Variants in PDGFC observed in about 807,000 individuals in gnomAD.
PDGFC encodes platelet-derived growth factor C.
PDGFC carries 12 observed loss-of-function variants against 35.5 expected under a neutral mutation model. That is an observed-to-expected ratio of 0.34 (90% CI 0.22 to 0.55). The LOEUF is 0.55. PDGFC is among the 20% of genes least tolerant of loss of function. The probability of loss-of-function intolerance (pLI) is 0.91; values close to 1 mark genes in which losing one functional copy is unlikely to be tolerated. For missense variants in PDGFC, 322 were observed against 412.4 expected, an observed-to-expected ratio of 0.78 and a Z score of 1.90; for synonymous variants, 159 against 148.8, an observed-to-expected ratio of 1.07 and a Z score of -0.50.
At chr4:156,934,159 C>T (rs146802240) in intron 1 of PDGFC, among the ~76,000 whole-genome samples, 15 of 152,198 alleles carry the variant, frequency 9.9e-5, no homozygotes, top group East Asian at 9.6e-4. Flanking sequence ...TGTCTTTAGG[C>T]GATTTTGTCA....
chr4:156,834,412 T>G (rs2111033052), intron 2 of PDGFC, among the ~76,000 whole-genome samples: 1 of 152,236 alleles, frequency 6.6e-6, no homozygotes, highest in East Asian at 1.9e-4. Context: ...GCAAAAACAG[T>G]GCCTACCACA....
intron 1 of PDGFC, among the ~76,000 whole-genome samples, chr4:156,907,209 T>C (rs897746256): frequency 6.6e-6 from 1 of 152,202 alleles, no homozygotes; most frequent in Non-Finnish European, 1.5e-5. Context: ...CCTTGTTAAG[T>C]GACACCTGTC....
intron 2 of PDGFC, among the ~76,000 whole-genome samples, chr4:156,833,585 C>G (rs1728995122): frequency 6.6e-6 from 1 of 152,114 alleles, no homozygotes; most frequent in Admixed American, 6.5e-5. Flanking sequence ...CACTCTTTAA[C>G]AAGGTGTTAT....
In PDGFC at chr4:156,837,942, C is replaced by T. The variant is rs574423370; in HGVS notation, c.314+12279G>A. Among the ~76,000 whole-genome samples the T allele has an allele frequency of 3.3e-5, 5 of 152,036 alleles. No individual in the cohort carries two copies. The South Asian group carries it at 6.2e-4, about 19-fold the overall frequency. ...CCTTGATCTCAGACTTGGTCAGATCCCCACCCTCTATTTTAAGCCCTCTTG... is the reference window on the plus strand; with the variant it reads ...CCTTGATCTCAGACTTGGTCAGATCTCCACCCTCTATTTTAAGCCCTCTTG... On this transcript the variant is annotated intron_variant, in intron 2 of 5. Coordinates refer to ENST00000502773, the MANE Select transcript of PDGFC (RefSeq NM_016205.3).
intron 3 of PDGFC, among the ~76,000 whole-genome samples, chr4:156,805,074 A>T (rs889440182): frequency 6.6e-6 from 1 of 152,050 alleles, no homozygotes; most frequent in African/African-American, 2.4e-5. Context: ...GTAGAAATGA[A>T]ACAGAGACAC....
At chr4:156,850,914 T>C (rs757326559) in intron 1 of PDGFC, among the ~76,000 whole-genome samples, 3 of 152,160 alleles carry the variant, frequency 2.0e-5, no homozygotes, top group Admixed American at 6.5e-5. Context: ...ATTAAGATAT[T>C]TGAAGAAAGT....
At chr4:156,931,594 C>G (rs1284031690) in intron 1 of PDGFC, among the ~76,000 whole-genome samples, 1 of 152,028 alleles carries the variant, frequency 6.6e-6, no homozygotes, top group Admixed American at 6.5e-5. Context: ...CAACTAAGGC[C>G]AAGACAATAG....
intron 3 of PDGFC, among the ~76,000 whole-genome samples, chr4:156,775,036 G>A (rs947323278): frequency 1.3e-5 from 2 of 152,024 alleles, no homozygotes; most frequent in African/African-American, 4.8e-5. Context: ...TGATATTTTT[G>A]CTCTACCCAT....
intron 2 of PDGFC, among the ~76,000 whole-genome samples, chr4:156,840,853 G>A (rs549324649): frequency 1.3e-5 from 2 of 152,140 alleles, no homozygotes; most frequent in Non-Finnish European, 2.9e-5. Flanking sequence ...ACTGCCCCAC[G>A]GGATTTTGGA....
intron 1 of PDGFC, among the ~76,000 whole-genome samples, chr4:156,943,328 T>C (rs72683370): frequency 0.023 from 3,444 of 152,234 alleles, 48 homozygotes; most frequent in Middle Eastern, 0.048. Context: ...TAAATTCCCA[T>C]GGTACTTCTT....
At chr4:156,808,107 C>G (rs908444161) in intron 3 of PDGFC, among the ~76,000 whole-genome samples, 1 of 151,876 alleles carries the variant, frequency 6.6e-6, no homozygotes, top group Non-Finnish European at 1.5e-5. Flanking sequence ...GAGTCTACTG[C>G]GTTCCGGTTT....
intron 1 of PDGFC, among the ~76,000 whole-genome samples, chr4:156,871,262 A>T (rs2111143541): frequency 6.6e-6 from 1 of 152,272 alleles, no homozygotes; most frequent in Non-Finnish European, 1.5e-5. Flanking sequence ...GAACTGGAAC[A>T]AAACTAGAGA....
intron 1 of PDGFC, among the ~76,000 whole-genome samples, chr4:156,854,859 A>G (rs552783850): frequency 6.6e-6 from 1 of 152,284 alleles, no homozygotes; most frequent in African/African-American, 2.4e-5. Context: ...TATTTATCAC[A>G]TGATCCTTGC....
intron 1 of PDGFC, among the ~76,000 whole-genome samples, chr4:156,942,964 C>T (rs1266054881): frequency 4.6e-5 from 7 of 151,960 alleles, no homozygotes; most frequent in Non-Finnish European, 1.0e-4. Context: ...TGTGACTTAA[C>T]GTCCTATCCC....
intron 3 of PDGFC, among the ~76,000 whole-genome samples, chr4:156,809,577 A>G (rs901376097): frequency 2.6e-5 from 4 of 152,002 alleles, no homozygotes; most frequent in Non-Finnish European, 4.4e-5. Context: ...TGCTATAAAT[A>G]CCATACATAT....
chr4:156,851,569 T>C lies in PDGFC; in HGVS notation c.119-1153A>G, dbSNP rs1021430713. On this transcript the variant is annotated intron_variant, in intron 1 of 5. Coordinates refer to ENST00000502773, the MANE Select transcript of PDGFC (RefSeq NM_016205.3). ...GTTAATAATGAGACGAAACCCACAA[T>C]TGATAAGTTATAAAATAAGCAGTCA... 2.0e-5 allele frequency among the ~76,000 whole-genome samples: 3 copies of C among 151,994 alleles called. No individual in the cohort carries two copies. The East Asian group carries it at 5.8e-4, about 29-fold the overall frequency.
In PDGFC at chr4:156,760,876, T is replaced by C. The variant is rs1317392961; in HGVS notation, c.*2214A>G. 6.6e-6 allele frequency: 1 copy of C among 152,190 alleles called. No homozygotes were observed. The highest frequency in any genetic ancestry group is 2.4e-5 in the African/African-American group (1 of 41,446). The allele number at this position is 152,190 out of a possible 1,614,324, so 9.4% of individuals were successfully genotyped here. On this transcript the variant is annotated 3_prime_UTR_variant, in exon 6 of 6. Coordinates refer to ENST00000502773, the MANE Select transcript of PDGFC (RefSeq NM_016205.3). ...CAGGCTATTTACTAAGACTTAGTAG[T>C]CTTTACTATACTAATGAAAGTTGTA...
chr4:156,864,416 T>C (rs1156462334), intron 1 of PDGFC, among the ~76,000 whole-genome samples: 2 of 152,194 alleles, frequency 1.3e-5, no homozygotes, highest in Admixed American at 6.5e-5. Context: ...AAAAGTATCA[T>C]ATACATGAAG....
At chr4:156,843,509 G>A (rs1453086982) in intron 2 of PDGFC, among the ~76,000 whole-genome samples, 3 of 152,138 alleles carry the variant, frequency 2.0e-5, no homozygotes, top group Non-Finnish European at 4.4e-5. Context: ...CCTTGCCAGC[G>A]GCTGAGGTAG....
Sources: allele counts gnomAD v4.1 joint callset (sites outside exome capture counted in the v4.1 genomes callset), GRCh38; gene constraint gnomAD v4.1.1; transcripts MANE v1.5; gene names NCBI Gene and HGNC (gene_info 2026-07-23, HGNC 2026-07-21).